Variants in DMD observed in about 807,000 individuals in gnomAD.
The protein encoded by DMD is mutant dystrophin.
DMD carries 63 observed loss-of-function variants against 330.1 expected under a neutral mutation model. The ratio of observed to expected loss-of-function variants is 0.19; its 90% CI spans 0.16 to 0.24. The LOEUF (loss-of-function observed/expected upper bound fraction) is 0.24, where lower values mean the gene tolerates loss of function less well. Among genes scored for constraint, DMD ranks in the 10% least tolerant of loss-of-function variants. The pLI is 1.00. For missense variants in DMD, 3,344 were observed against 2,684.1 expected (o/e 1.25, Z -5.43); for synonymous variants, 1,223 against 959.8 (o/e 1.27, Z -5.07).
chrX:31,958,377 C>T (rs760093760), intron 45 of DMD, among the ~76,000 whole-genome samples: 1 of 110,967 alleles, frequency 9.0e-6, no homozygotes, highest in Non-Finnish European at 1.9e-5. Flanking sequence ...CCCTAGGGTG[C>T]CCCAAATAAA....
chrX:31,760,493 G>A (rs2089487238), intron 51 of DMD, among the ~76,000 whole-genome samples: 2 of 111,596 alleles, frequency 1.8e-5, no homozygotes, highest in African/African-American at 6.5e-5. Flanking sequence ...ACAAATACTT[G>A]CCATCGTGTT....
intron 16 of DMD, among the ~76,000 whole-genome samples, chrX:32,550,140 G>T (rs1474256937): frequency 9.0e-6 from 1 of 111,564 alleles, no homozygotes; most frequent in Non-Finnish European, 1.9e-5. Flanking sequence ...TGTACAGCAT[G>T]TGACTATACT....
intron 60 of DMD, among the ~76,000 whole-genome samples, chrX:31,423,533 A>G (rs1356367349): frequency 8.9e-6 from 1 of 112,055 alleles, no homozygotes; most frequent in Non-Finnish European, 1.9e-5. Flanking sequence ...ACCTTGGTAG[A>G]AAACAGAATA....
intron 29 of DMD, among the ~76,000 whole-genome samples, chrX:32,426,888 T>C (rs1196211698): frequency 2.7e-5 from 3 of 111,211 alleles, no homozygotes; most frequent in African/African-American, 9.8e-5. Context: ...TTCTCACTTA[T>C]AAGTGGGAGC....
intron 1 of DMD, among the ~76,000 whole-genome samples, chrX:33,248,499 T>C (rs777227868): frequency 2.7e-5 from 3 of 112,319 alleles, no homozygotes; most frequent in Non-Finnish European, 5.6e-5. Context: ...TATTTTATTT[T>C]TTCACCCATT....
chrX:32,142,406 G>A (rs1475622959), intron 44 of DMD, among the ~76,000 whole-genome samples: 1 of 112,228 alleles, frequency 8.9e-6, no homozygotes, highest in African/African-American at 3.2e-5. Context: ...AAGTTTCATT[G>A]TTTTACTTGC....
At chrX:31,760,808 T>G (rs1056314121) in intron 51 of DMD, among the ~76,000 whole-genome samples, 7 of 111,571 alleles carry the variant, frequency 6.3e-5, no homozygotes, top group Admixed American at 2.9e-4. Flanking sequence ...TATTTTTGCA[T>G]GTACGATAAT....
chrX:32,403,013 G>C (rs180709678), intron 30 of DMD, among the ~76,000 whole-genome samples: 66 of 111,659 alleles, frequency 5.9e-4, no homozygotes, highest in African/African-American at 1.9e-3. Flanking sequence ...CAATAAATTT[G>C]CCAGCTATTT....
At chrX:32,125,872 G>A (rs1189651162) in intron 44 of DMD, among the ~76,000 whole-genome samples, 1 of 111,736 alleles carries the variant, frequency 8.9e-6, no homozygotes, top group Non-Finnish European at 1.9e-5. Flanking sequence ...CACCTTTATC[G>A]ATATTTCTTA....
At chrX:31,174,972 C>A (rs1921393) in intron 71 of DMD, among the ~76,000 whole-genome samples, 2,365 of 111,280 alleles carry the variant, frequency 0.021, 62 homozygotes, top group South Asian at 0.12. Context: ...AAAACGATGA[C>A]TACTCAATTT....
chrX:32,718,984 G>T (rs183078324), intron 7 of DMD, among the ~76,000 whole-genome samples: 1 of 111,488 alleles, frequency 9.0e-6, no homozygotes, highest in Non-Finnish European at 1.9e-5. Flanking sequence ...TCTTTATATC[G>T]GGGAAGAGGC....
rs138799985 is a variant in DMD at position 31,499,084 on chromosome X, T to C, written c.8391-2140A>G. On this transcript the variant is annotated intron_variant, in intron 56 of 78. Coordinates refer to ENST00000357033, the MANE Select transcript of DMD (RefSeq NM_004006.3). ...TGAAAAGAGGCTGTCAAGCAGGACA[T>C]ATTGAAAAGTAGGTGGAGAGAGGTA... 6.2e-3 allele frequency among the ~76,000 whole-genome samples: 691 copies of C among 111,641 alleles called. 2 individuals carry two copies. The highest frequency in any genetic ancestry group is 0.018 in the Middle Eastern group (4 of 217).
chrX:32,790,579 C>CA (rs2075743271), intron 7 of DMD, among the ~76,000 whole-genome samples: 1 of 111,563 alleles, frequency 9.0e-6, no homozygotes, highest in Non-Finnish European at 1.9e-5. Context: ...TCCCTATCTC[C>CA]ACATTCCTGG....
intron 37 of DMD, among the ~76,000 whole-genome samples, chrX:32,353,902 G>C (rs1342538244): frequency 1.8e-5 from 2 of 110,895 alleles, no homozygotes; most frequent in African/African-American, 6.5e-5. Context: ...GATTATTTAA[G>C]GATTAATGAA....
At chrX:32,436,499 G>T (rs911818054) in intron 29 of DMD, among the ~76,000 whole-genome samples, 2 of 111,309 alleles carry the variant, frequency 1.8e-5, no homozygotes, top group Non-Finnish European at 3.8e-5. Context: ...TTTTTCTTTG[G>T]GGGAAATGTC....
intron 52 of DMD, among the ~76,000 whole-genome samples, chrX:31,716,733 T>C (rs192912753): frequency 0.013 from 900 of 71,879 alleles, 5 homozygotes; most frequent in African/African-American, 0.053. Flanking sequence ...AAATAAACTA[T>C]CACAAATTGA....
intron 30 of DMD, among the ~76,000 whole-genome samples, chrX:32,406,401 G>C (rs1397783612): frequency 5.4e-5 from 6 of 110,355 alleles, no homozygotes; most frequent in African/African-American, 1.7e-4. Flanking sequence ...ATCATAGATA[G>C]CTCTTATTAT....
chrX:32,991,646 T>A (rs1264500074), intron 2 of DMD, among the ~76,000 whole-genome samples: 2 of 112,135 alleles, frequency 1.8e-5, no homozygotes, highest in Non-Finnish European at 3.8e-5. Context: ...ATACTTTTTT[T>A]ATTGGTACAT....
chrX:32,805,530 G>C (rs189022206), intron 7 of DMD, among the ~76,000 whole-genome samples: 1 of 111,587 alleles, frequency 9.0e-6, no homozygotes, highest in African/African-American at 3.3e-5. Flanking sequence ...TTATCCCGGC[G>C]AACTTTCCCA....
Sources: allele counts gnomAD v4.1 joint callset (sites outside exome capture counted in the v4.1 genomes callset), GRCh38; gene constraint gnomAD v4.1.1; transcripts MANE v1.5; gene names NCBI Gene and HGNC (gene_info 2026-07-23, HGNC 2026-07-21).